The following DAB1 variants were observed in gnomAD, a reference collection of about 807,000 sequenced individuals.
DAB1 encodes disabled homolog 1.
A neutral mutation model predicts 64.6 loss-of-function variants in DAB1; 15 were observed. The ratio of observed to expected loss-of-function variants is 0.23; its 90% CI spans 0.16 to 0.36. The LOEUF (loss-of-function observed/expected upper bound fraction) is 0.36. Among genes scored for constraint, DAB1 ranks in the 10% least tolerant of loss-of-function variants. DAB1 has a pLI of 1.00. For missense variants in DAB1, 596 were observed against 706.7 expected, an observed-to-expected ratio of 0.84 and a Z score of 1.78; for synonymous variants, 235 against 251.9, an observed-to-expected ratio of 0.93 and a Z score of 0.64.
intron 1 of DAB1, among the ~76,000 whole-genome samples, chr1:57,413,469 C>G (rs192085466): frequency 6.6e-6 from 1 of 152,056 alleles, no homozygotes; most frequent in African/African-American, 2.4e-5. Flanking sequence ...TGGCCCAGCG[C>G]GGTGGCTCAT....
intron 4 of DAB1, among the ~76,000 whole-genome samples, chr1:58,177,702 T>C (rs551952633): frequency 6.6e-6 from 1 of 152,178 alleles, no homozygotes; most frequent in Non-Finnish European, 1.5e-5. Context: ...TATATAAACA[T>C]TCTCATCTCA....
In DAB1 at chr1:57,321,941, G is replaced by A. The variant is rs1363790467; in HGVS notation, c.-136-30775C>T. 3.3e-5 allele frequency among the ~76,000 whole-genome samples: 5 copies of A among 152,056 alleles called. No homozygotes were observed. The East Asian group carries it at 5.8e-4, about 18-fold the overall frequency. On this transcript the variant is annotated intron_variant, in intron 1 of 14. Transcript: ENST00000371236. ...GAACATTTCCAAAGATAGAGAGCTC[G>A]CTCGCTCTCACCATCTCCCCAGGCA...
Position 57,535,058 on chromosome 1 carries a change from C to T in DAB1, n.625+114534G>A, listed in dbSNP as rs1038014280. ...GCTCCTTTATATCCTCAGGCTTCAT[C>T]TTAAGGGCATCTCCTAAGCCAAGAC... On this transcript the variant is annotated intron_variant and non_coding_transcript_variant, in intron 7 of 20. Coordinates refer to the DAB1 transcript ENST00000485760. Among the ~76,000 whole-genome samples the T allele has an allele frequency of 3.3e-5, 5 of 152,180 alleles. 1 individual carries two copies. The highest frequency in any genetic ancestry group is 1.2e-4 in the African/African-American group (5 of 41,434).
chr1:58,340,297 G>T (rs17117348), intron 4 of DAB1, among the ~76,000 whole-genome samples: 1 of 151,986 alleles, frequency 6.6e-6, no homozygotes, highest in African/African-American at 2.4e-5. Flanking sequence ...ATCTGTCCCC[G>T]TTACTAGGAC....
At chr1:57,149,013 T>C (rs897143692) in intron 2 of DAB1, among the ~76,000 whole-genome samples, 3 of 152,194 alleles carry the variant, frequency 2.0e-5, no homozygotes, top group African/African-American at 7.2e-5. Context: ...TATCTTCCCA[T>C]TCCCTCTGGT....
At chr1:57,627,367 A>G (rs1282181147) in intron 7 of DAB1, among the ~76,000 whole-genome samples, 3 of 152,118 alleles carry the variant, frequency 2.0e-5, no homozygotes, top group African/African-American at 4.8e-5. Flanking sequence ...ATCTCTTCCT[A>G]TATATCCTGT....
chr1:57,978,148 C>T (rs1159964853), intron 5 of DAB1, among the ~76,000 whole-genome samples: 1 of 152,114 alleles, frequency 6.6e-6, no homozygotes, highest in African/African-American at 2.4e-5. Context: ...AGGCATTATG[C>T]TACCTGACTT....
At chr1:57,641,828 C>T (rs961887077) in intron 7 of DAB1, among the ~76,000 whole-genome samples, 3 of 152,086 alleles carry the variant, frequency 2.0e-5, no homozygotes, top group Non-Finnish European at 4.4e-5. Context: ...TCCTTCTCTT[C>T]CTCCTTCCTT....
At chr1:58,021,591 G>C (rs1646815596) in intron 5 of DAB1, among the ~76,000 whole-genome samples, 1 of 152,156 alleles carries the variant, frequency 6.6e-6, no homozygotes, top group Non-Finnish European at 1.5e-5. Flanking sequence ...TAAGAGGACT[G>C]TGAGCATATG....
chr1:57,416,270 A>G (rs1022892626), intron 1 of DAB1, among the ~76,000 whole-genome samples: 6 of 152,206 alleles, frequency 3.9e-5, no homozygotes, highest in Non-Finnish European at 7.4e-5. Context: ...TCCCTTGCAT[A>G]TATCAAAAGA....
At chr1:58,108,186 T>G (rs1462116315) in intron 5 of DAB1, among the ~76,000 whole-genome samples, 1 of 152,126 alleles carries the variant, frequency 6.6e-6, no homozygotes, top group Middle Eastern at 3.2e-3. Context: ...TTTAGTAAAA[T>G]AATTCTCACT....
intron 1 of DAB1, among the ~76,000 whole-genome samples, chr1:57,421,901 GC>G (rs1684918926): frequency 9.6e-6 from 1 of 103,986 alleles, no homozygotes; most frequent in Non-Finnish European, 2.1e-5. Context: ...ATGGGGGGTG[GC>G]GGGGGGGGGG....
chr1:57,288,481 T>C (rs190115225), intron 2 of DAB1, among the ~76,000 whole-genome samples: 9 of 152,134 alleles, frequency 5.9e-5, no homozygotes, highest in Non-Finnish European at 1.3e-4. Flanking sequence ...GCTCTTGTGA[T>C]GGGAAAGAAG....
intron 7 of DAB1, among the ~76,000 whole-genome samples, chr1:57,451,474 G>A (rs1274359842): frequency 6.6e-6 from 1 of 152,112 alleles, no homozygotes; most frequent in Admixed American, 6.6e-5. Context: ...GTTAAAATAT[G>A]TTTTGTGATG....
At chr1:57,946,810 C>T (rs1645190980) in intron 5 of DAB1, among the ~76,000 whole-genome samples, 1 of 152,104 alleles carries the variant, frequency 6.6e-6, no homozygotes, top group Non-Finnish European at 1.5e-5. Flanking sequence ...TATAAAAATC[C>T]CTTTAATACA....
intron 5 of DAB1, among the ~76,000 whole-genome samples, chr1:58,123,421 AT>A (rs1412890183): frequency 1.3e-5 from 2 of 152,154 alleles, no homozygotes; most frequent in African/African-American, 4.8e-5. Flanking sequence ...ATATAGCAGG[AT>A]TTTCCAATTG....
chr1:57,917,449 G>A (rs1160645471), intron 5 of DAB1, among the ~76,000 whole-genome samples: 1 of 152,192 alleles, frequency 6.6e-6, no homozygotes, highest in Non-Finnish European at 1.5e-5. Flanking sequence ...TTGTAATGAA[G>A]GTTAGTGAGA....
intron 7 of DAB1, among the ~76,000 whole-genome samples, chr1:57,645,914 T>C (rs1646186971): frequency 6.6e-6 from 1 of 152,276 alleles, no homozygotes; most frequent in East Asian, 1.9e-4. Flanking sequence ...TCTCCTACTT[T>C]CTTTCAAATT....
chr1:57,512,413 A>T (rs1351240444), intron 7 of DAB1, among the ~76,000 whole-genome samples: 1 of 152,228 alleles, frequency 6.6e-6, no homozygotes, highest in Non-Finnish European at 1.5e-5. Flanking sequence ...GGAAGAGAAC[A>T]AAGAAAAGAA....
Sources: gnomAD v4.1 joint callset for allele counts (sites outside exome capture counted in the v4.1 genomes callset) on GRCh38, gnomAD v4.1.1 for gene constraint, MANE v1.5 for transcripts, NCBI Gene and HGNC (gene_info 2026-07-23, HGNC 2026-07-21) for gene names.